SLC16A7: variants seen among roughly 807,000 people sequenced by gnomAD.
SLC16A7 encodes solute carrier family 16 member 7.
In SLC16A7, 33 loss-of-function variants were observed where a neutral mutation model predicts 34.9. The observed-to-expected ratio is 0.94, with a 90% CI of 0.72 to 1.26. The LOEUF (loss-of-function observed/expected upper bound fraction) is 1.26. SLC16A7 is among the 50% of genes most tolerant of loss of function. The pLI is 0.00. For missense variants in SLC16A7, 573 were observed against 578.1 expected, an observed-to-expected ratio of 0.99 and a Z score of 0.09; for synonymous variants, 201 against 206.6, an observed-to-expected ratio of 0.97 and a Z score of 0.23.
chr12:59,783,635 T>C lies in SLC16A7; in HGVS notation c.*3956T>C, dbSNP rs1170903578. 2 of 148,932 alleles carry C rather than the reference T, an allele frequency of 1.3e-5. No individual in the cohort carries two copies. Among genetic ancestry groups the C allele is most frequent in the African/African-American group, 2.6e-5 (1 of 38,926 alleles). The allele number at this position is 148,932 out of a possible 1,614,324, so 9.2% of individuals were successfully genotyped here. A position where few individuals can be genotyped will look rare whatever the true frequency, so the allele number is the denominator to read the frequency against. On this transcript the variant is annotated 3_prime_UTR_variant, in exon 6 of 6. Coordinates refer to ENST00000547379, the MANE Select transcript of SLC16A7 (RefSeq NM_001270623.2). The stretch of plus-strand genomic sequence containing the variant: ...CTGCATTTGCTAGAACCTGAATATG[T>C]AATTTCTTTCTTTCTTTCTTTTTTT...
intron 1 of SLC16A7, among the ~76,000 whole-genome samples, chr12:59,601,967 C>G (rs973997687): frequency 5.3e-5 from 8 of 152,284 alleles, no homozygotes; most frequent in African/African-American, 1.9e-4. Flanking sequence ...TGATCTATCT[C>G]TGTTTTCTAT....
At chr12:59,703,474 A>G (rs1357109324) in intron 2 of SLC16A7, among the ~76,000 whole-genome samples, 1 of 152,188 alleles carries the variant, frequency 6.6e-6, no homozygotes, top group African/African-American at 2.4e-5. Context: ...ACAAGCAAAT[A>G]TATAAAAAAG....
chr12:59,655,620 G>C (rs980195795), intron 2 of SLC16A7, among the ~76,000 whole-genome samples: 2 of 151,778 alleles, frequency 1.3e-5, no homozygotes, highest in African/African-American at 4.8e-5. Context: ...AAACGAGAAA[G>C]CTAGAGGTAT....
intron 2 of SLC16A7, among the ~76,000 whole-genome samples, chr12:59,699,826 C>T (rs1267616156): frequency 6.6e-6 from 1 of 151,786 alleles, no homozygotes; most frequent in Admixed American, 6.6e-5. Context: ...TTATGCAACA[C>T]TTACATTCCC....
At chr12:59,654,682 CATAGG>C (rs1193979085) in intron 1 of SLC16A7, among the ~76,000 whole-genome samples, 1 of 146,386 alleles carries the variant, frequency 6.8e-6, no homozygotes, top group Non-Finnish European at 1.5e-5. Flanking sequence ...TAAACACACA[CATAGG>C]CATGCACACA....
intron 3 of SLC16A7, among the ~76,000 whole-genome samples, chr12:59,705,863 A>G (rs546184421): frequency 6.6e-6 from 1 of 152,130 alleles, no homozygotes; most frequent in Non-Finnish European, 1.5e-5. Flanking sequence ...TATATCAATT[A>G]TCTTCTGTGA....
At chr12:59,623,104 A>T (rs1485517725) in intron 1 of SLC16A7, among the ~76,000 whole-genome samples, 1 of 148,032 alleles carries the variant, frequency 6.8e-6, no homozygotes, top group Non-Finnish European at 1.5e-5. Context: ...CTGTATGTGC[A>T]TATGTATATA....
intron 2 of SLC16A7, among the ~76,000 whole-genome samples, chr12:59,659,803 G>A (rs1408146374): frequency 3.3e-5 from 5 of 151,988 alleles, no homozygotes; most frequent in African/African-American, 9.7e-5. Context: ...AGGCATATCT[G>A]GAAAAGGGAG....
Position 59,634,330 on chromosome 12 carries a change from A to G in SLC16A7, c.-129-20822A>G, listed in dbSNP as rs117440098. 9.2e-5 allele frequency among the ~76,000 whole-genome samples: 14 copies of G among 152,210 alleles called. No homozygotes were observed. In the East Asian group the frequency reaches 2.5e-3, roughly 27 times the overall value. ...TGTTGTTTATTTTGTTAAAGAAAAA[A>G]AATTATTCAATATTACTTGTTAAAG... On this transcript the variant is annotated intron_variant, in intron 1 of 5. Transcript: ENST00000547379.
intron 3 of SLC16A7, among the ~76,000 whole-genome samples, chr12:59,749,347 T>A (rs1296067617): frequency 6.6e-6 from 1 of 152,224 alleles, no homozygotes. Context: ...GTTTCATTGA[T>A]GCTTTGTGCC....
intron 1 of SLC16A7, among the ~76,000 whole-genome samples, chr12:59,638,471 C>T (rs1307460621): frequency 1.3e-5 from 2 of 152,110 alleles, no homozygotes; most frequent in African/African-American, 2.4e-5. Context: ...ACTAAATTTT[C>T]CCAATTCACT....
intron 2 of SLC16A7, among the ~76,000 whole-genome samples, chr12:59,679,866 T>G (rs1458462243): frequency 6.6e-6 from 1 of 152,212 alleles, no homozygotes; most frequent in African/African-American, 2.4e-5. Context: ...TAAGAGTTAC[T>G]TCTAAGTGTA....
chr12:59,656,969 CT>C (rs749207560), intron 2 of SLC16A7, among the ~76,000 whole-genome samples: 2 of 151,850 alleles, frequency 1.3e-5, no homozygotes, highest in South Asian at 2.1e-4. Flanking sequence ...GTTTTTTCAT[CT>C]GTAAAATGAG....
At chr12:59,699,888 A>T (rs1366099645) in intron 2 of SLC16A7, among the ~76,000 whole-genome samples, 1 of 151,742 alleles carries the variant, frequency 6.6e-6, no homozygotes, top group Non-Finnish European at 1.5e-5. Flanking sequence ...GTTTTCTCTC[A>T]TACTGTAAAC....
chr12:59,687,667 A>G (rs188732476), intron 2 of SLC16A7, among the ~76,000 whole-genome samples: 30 of 152,280 alleles, frequency 2.0e-4, no homozygotes, highest in Non-Finnish European at 4.3e-4. Flanking sequence ...CTTAGGCACT[A>G]TGGGTCAGCT....
At chr12:59,669,738 A>C (rs1869519396) in intron 2 of SLC16A7, among the ~76,000 whole-genome samples, 1 of 151,780 alleles carries the variant, frequency 6.6e-6, no homozygotes, top group Non-Finnish European at 1.5e-5. Flanking sequence ...CAATGCTGTA[A>C]AGGGTGAAGG....
intron 1 of SLC16A7, among the ~76,000 whole-genome samples, chr12:59,636,352 G>A (rs942565611): frequency 3.9e-5 from 6 of 151,964 alleles, no homozygotes; most frequent in African/African-American, 7.2e-5. Flanking sequence ...TTTTTCTAAT[G>A]TATGGAACAA....
At chr12:59,695,692 C>A (rs1872208338) in intron 2 of SLC16A7, among the ~76,000 whole-genome samples, 1 of 152,040 alleles carries the variant, frequency 6.6e-6, no homozygotes, top group South Asian at 2.1e-4. Context: ...GGATATAAGG[C>A]AGACACTGGT....
chr12:59,604,909 C>T (rs1185656337), intron 1 of SLC16A7, among the ~76,000 whole-genome samples: 1 of 152,150 alleles, frequency 6.6e-6, no homozygotes, highest in Non-Finnish European at 1.5e-5. Context: ...TGCAGTGGCA[C>T]AATCTTGGCT....
Sources: allele counts gnomAD v4.1 joint callset (sites outside exome capture counted in the v4.1 genomes callset), GRCh38; gene constraint gnomAD v4.1.1; transcripts MANE v1.5; gene names NCBI Gene and HGNC (gene_info 2026-07-23, HGNC 2026-07-21).